The following CDC42BPA variants were observed in gnomAD, a reference collection of about 807,000 sequenced individuals.
CDC42BPA encodes serine/threonine-protein kinase MRCK alpha.
Under a neutral mutation model 223.5 loss-of-function variants are expected in CDC42BPA, and 80 were observed. That is an observed-to-expected ratio of 0.36 (90% CI 0.30 to 0.43). The LOEUF is 0.43. CDC42BPA is among the 20% of genes least tolerant of loss of function. CDC42BPA has a pLI of 1.00. For synonymous variants in CDC42BPA, 694 were observed against 718.6 expected (o/e 0.97, Z 0.55); for missense variants, 1,743 against 2,099.9 (o/e 0.83, Z 3.32).
chr1:227,043,608 A>G (rs1022860163), intron 23 of CDC42BPA, among the ~76,000 whole-genome samples: 2 of 152,184 alleles, frequency 1.3e-5, no homozygotes, highest in African/African-American at 4.8e-5. Context: ...TCAGCTTGAT[A>G]GAAGCCTCAC....
chr1:227,252,462 A>G (rs1414187604), intron 2 of CDC42BPA, among the ~76,000 whole-genome samples: 2 of 152,196 alleles, frequency 1.3e-5, no homozygotes, highest in Non-Finnish European at 2.9e-5. Context: ...TAAGCATATC[A>G]GGAAAAAAAT....
At chr1:227,168,497 G>GTTTTTTTTTTTTGTT (rs1553374261) in intron 5 of CDC42BPA, among the ~76,000 whole-genome samples, 1 of 80,196 alleles carries the variant, frequency 1.2e-5, no homozygotes, top group African/African-American at 5.0e-5. Flanking sequence ...CTTCCCTGGT[G>GTTTTTTTTTTTTGTT]TTTTTTTTTT....
At chr1:227,266,329 T>C (rs1684992471) in intron 1 of CDC42BPA, among the ~76,000 whole-genome samples, 1 of 152,182 alleles carries the variant, frequency 6.6e-6, no homozygotes, top group Non-Finnish European at 1.5e-5. Context: ...CTCTACTCTA[T>C]ATATTACTAT....
In CDC42BPA at chr1:226,993,853, C is replaced by G. The variant is rs1062908; in HGVS notation, c.*415G>C. On this transcript the variant is annotated 3_prime_UTR_variant, in exon 37 of 37. Coordinates refer to ENST00000366766, the MANE Select transcript of CDC42BPA (RefSeq NM_001394014.1). ...GAGCTTAGTGAGCCACTCCAGGGAC[C>G]AATTCTCCCTTCTGGATGCGGAGAA... The G allele has an allele frequency of 0.37, 59,875 of 159,898 alleles. 11,884 individuals carry two copies. The highest frequency in any genetic ancestry group is 0.46 in the Non-Finnish European group (32,914 of 72,038). The allele number at this position is 159,898 out of a possible 1,614,324, so 9.9% of individuals were successfully genotyped here.
At chr1:227,308,466 C>T (rs1379740737) in intron 1 of CDC42BPA, among the ~76,000 whole-genome samples, 1 of 147,174 alleles carries the variant, frequency 6.8e-6, no homozygotes, top group Non-Finnish European at 1.5e-5. Flanking sequence ...GCTAAGATCA[C>T]GCCACTGCAC....
At chr1:227,179,656 A>AAAAAAAAAAAAAAAAT in intron 5 of CDC42BPA, among the ~76,000 whole-genome samples, 1 of 150,054 alleles carries the variant, frequency 6.7e-6, no homozygotes, top group African/African-American at 2.5e-5. Context: ...AAAAAAAAAA[A>AAAAAAAAAAAAAAAAT]AAAAGCTATT....
chr1:227,295,173 A>T (rs368084953), intron 1 of CDC42BPA, among the ~76,000 whole-genome samples: 1 of 152,100 alleles, frequency 6.6e-6, no homozygotes, highest in East Asian at 1.9e-4. Context: ...TATGAAATAT[A>T]ATTTTTTCTT....
At chr1:227,157,369 T>C (rs1442736929) in intron 6 of CDC42BPA, among the ~76,000 whole-genome samples, 1 of 152,182 alleles carries the variant, frequency 6.6e-6, no homozygotes, top group Non-Finnish European at 1.5e-5. Context: ...GAGGGATATT[T>C]TTCTTAATAC....
At chr1:227,051,360 T>C (rs1467055211) in intron 22 of CDC42BPA, among the ~76,000 whole-genome samples, 1 of 152,230 alleles carries the variant, frequency 6.6e-6, no homozygotes, top group Non-Finnish European at 1.5e-5. Context: ...AAACCATTGA[T>C]TGACATGAAG....
chr1:227,120,067 A>G (rs1285899266), intron 11 of CDC42BPA, 130 bp from the exon 12 acceptor site: 3 of 585,046 alleles, frequency 5.1e-6, no homozygotes, highest in African/African-American at 1.9e-5. Context: ...AGTGTATACC[A>G]GTATGACTCT....
intron 1 of CDC42BPA, among the ~76,000 whole-genome samples, chr1:227,300,592 T>C (rs1199044245): frequency 1.3e-5 from 2 of 152,174 alleles, no homozygotes; most frequent in African/African-American, 2.4e-5. Flanking sequence ...AAATACCGTA[T>C]GTTCTCACTT....
intron 30 of CDC42BPA, among the ~76,000 whole-genome samples, chr1:227,028,001 T>C (rs887083737): frequency 5.3e-5 from 8 of 151,822 alleles, no homozygotes; most frequent in Non-Finnish European, 1.2e-4. Context: ...GCACCTGCTG[T>C]CCCAGCTACT....
At chr1:227,091,843 T>C in intron 16 of CDC42BPA, 43 bp downstream of exon 16, 2 of 1,045,566 alleles carry the variant, frequency 1.9e-6, no homozygotes, top group Non-Finnish European at 2.9e-6. Flanking sequence ...GTGTTGAACA[T>C]CTAGCATGTA....
In CDC42BPA at chr1:226,993,524, CAG is replaced by C. The variant is rs1661004487; in HGVS notation, c.*742_*743del. The C allele has an allele frequency of 6.6e-6, 1 of 152,582 alleles. No homozygotes were observed. Among genetic ancestry groups the C allele is most frequent in the Non-Finnish European group, 1.5e-5 (1 of 68,026 alleles). The allele number at this position is 152,582 out of a possible 1,614,324, so 9.5% of individuals were successfully genotyped here. On this transcript the variant is annotated 3_prime_UTR_variant, in exon 37 of 37. Transcript: ENST00000366766. ...CTAGAGCCTATGACCAGTTTGAGGA[CAG>C]GGCAATAAAGGGAACTCTGATTTCT...
intron 15 of CDC42BPA, among the ~76,000 whole-genome samples, chr1:227,097,442 T>C (rs151233111): frequency 0.011 from 1,642 of 152,254 alleles, 34 homozygotes; most frequent in African/African-American, 0.037. Context: ...TGGTTTCCAG[T>C]GTTACAGTAG....
intron 23 of CDC42BPA, among the ~76,000 whole-genome samples, chr1:227,044,866 A>G (rs1188457191): frequency 6.6e-6 from 1 of 152,192 alleles, no homozygotes; most frequent in Non-Finnish European, 1.5e-5. Flanking sequence ...TCTAAAATTA[A>G]TAGTTCCCCT....
chr1:227,263,713 C>A (rs550119102), intron 1 of CDC42BPA, among the ~76,000 whole-genome samples: 1 of 151,914 alleles, frequency 6.6e-6, no homozygotes, highest in African/African-American at 2.4e-5. Flanking sequence ...TCCCAAGTAG[C>A]TGGGATTACA....
Position 227,028,711 on chromosome 1 carries a change from C to T in CDC42BPA, c.4378G>A (p.Gly1460Ser), listed in dbSNP as rs1668713439. The T allele has an allele frequency of 6.2e-7, 1 of 1,603,522 alleles. No individual in the cohort carries two copies. The highest frequency in any genetic ancestry group is 8.5e-7 in the Non-Finnish European group (1 of 1,172,580). ...AATTCCTGTTGTCTAGATCTTCGGC[C>T]CTGGCAGTCAGTGTATATCCCAATG... ...NSIGIYTDCQ[G>S]RRSRQQELMW... Residue 1460 changes from glycine to serine, a missense_variant, in exon 30 of 37, where the codon GGC (glycine) becomes AGC (serine). This residue lies in a region of CDC42BPA where 678 missense variants were observed against 777.5 expected (regional missense o/e 0.87). Transcript: ENST00000366766.
At chr1:227,231,231 C>T (rs562273802) in intron 2 of CDC42BPA, among the ~76,000 whole-genome samples, 1 of 137,158 alleles carries the variant, frequency 7.3e-6, no homozygotes, top group East Asian at 2.3e-4. Flanking sequence ...TGAGAATATG[C>T]GGTGTTGTTT....
Sources: gnomAD v4.1 joint callset for allele counts (sites outside exome capture counted in the v4.1 genomes callset) on GRCh38, gnomAD v4.1.1 for gene constraint, gnomAD v4.1.1 regional missense constraint, MANE v1.5 for transcripts, NCBI Gene and HGNC (gene_info 2026-07-23, HGNC 2026-07-21) for gene names.